The following NUP153 variants were observed in gnomAD, a reference collection of about 807,000 sequenced individuals.
The protein encoded by NUP153 is nucleoporin 153.
NUP153 carries 27 observed loss-of-function variants against 134.6 expected under a neutral mutation model. The observed-to-expected ratio is 0.20, with a 90% CI of 0.15 to 0.28. The LOEUF is 0.28. NUP153 is among the 10% of genes least tolerant of loss of function. NUP153 has a pLI of 1.00. For missense variants in NUP153, 1,821 were observed against 1,731.3 expected, an observed-to-expected ratio of 1.05 and a Z score of -0.92; for synonymous variants, 640 against 623.5, an observed-to-expected ratio of 1.03 and a Z score of -0.40.
chr6:17,647,527 G>C (rs1766262191), intron 13 of NUP153, among the ~76,000 whole-genome samples: 1 of 152,164 alleles, frequency 6.6e-6, no homozygotes, highest in African/African-American at 2.4e-5. Context: ...GGGATGCAAA[G>C]GAATGTCTTT....
At chr6:17,643,732 C>T (rs992341723) in intron 14 of NUP153, among the ~76,000 whole-genome samples, 1 of 152,074 alleles carries the variant, frequency 6.6e-6, no homozygotes, top group African/African-American at 2.4e-5. Flanking sequence ...TGAGAACCAA[C>T]GGTGTCAAAG....
intron 21 of NUP153, 57 bp downstream of exon 21, chr6:17,616,470 T>C (rs902575834): frequency 4.8e-6 from 7 of 1,449,376 alleles, no homozygotes; most frequent in South Asian, 1.3e-5. Flanking sequence ...ACAAAACATA[T>C]ACATGCACAT....
At position 17,662,052 on chromosome 6, in the gene NUP153, T is replaced by G; in HGVS notation, c.1234A>C (p.Met412Leu). 2 of 1,612,706 alleles carry G rather than the reference T, an allele frequency of 1.2e-6. No homozygotes were observed. The highest frequency in any genetic ancestry group is 1.7e-6 in the Non-Finnish European group (2 of 1,179,254). ...NKCSTGYEKN[M>L]TPGQNREQRE... ...TGTTCTCTATTTTGTCCGGGTGTCA[T>G]ATTTTTTTCATATCCAGTCTGCAGG... is the stretch of plus-strand genomic sequence containing the variant. Residue 412 changes from methionine (M) to leucine (L), a missense_variant, in exon 10 of 22, where the codon ATG becomes CTG. Physicochemically the swap from Met to Leu is conservative, Grantham distance 15. Transcript: ENST00000262077.
At chr6:17,626,307 T>C (rs1238909495) in intron 18 of NUP153, 143 bp from the exon 19 acceptor site, 2 of 624,584 alleles carry the variant, frequency 3.2e-6, no homozygotes, top group Non-Finnish European at 5.7e-6. Context: ...CTTCATCAAA[T>C]GGACATCTGT....
chr6:17,666,093 C>CT (rs1767519671), intron 8 of NUP153, among the ~76,000 whole-genome samples: 1 of 151,832 alleles, frequency 6.6e-6, no homozygotes, highest in African/African-American at 2.4e-5. Context: ...TCAAAGAGTG[C>CT]TGGGATTACA....
rs181632001 is a variant in NUP153, at chr6:17,635,179, G to A, written c.2464+1974C>T. ...GGCTGGAGTGCAGTGGCATGATCTC[G>A]GCTCACTGCAAGCTCCACCTCCCAG... is the stretch of plus-strand genomic sequence containing the variant. On this transcript the variant is annotated intron_variant, in intron 16 of 21. Transcript: ENST00000262077. Among the ~76,000 whole-genome samples the A allele has an allele frequency of 4.7e-3, 657 of 139,128 alleles. 7 individuals are homozygous for A. The highest frequency in any genetic ancestry group is 0.016 in the African/African-American group (597 of 37,442). The allele number at this position is 139,128 out of a possible 152,430, so 91.3% of individuals were successfully genotyped here.
chr6:17,633,066 A>T (rs1486954727), intron 16 of NUP153, among the ~76,000 whole-genome samples: 3 of 152,180 alleles, frequency 2.0e-5, no homozygotes, highest in Non-Finnish European at 4.4e-5. Flanking sequence ...ATTTCTTTTA[A>T]CCTTATAAAT....
chr6:17,696,380 G>A (rs1581779954), intron 1 of NUP153, among the ~76,000 whole-genome samples: 1 of 152,336 alleles, frequency 6.6e-6, no homozygotes. Context: ...GTTCTTGAGA[G>A]AAGAGTTCTT....
At chr6:17,636,591 G>C (rs1272645077) in intron 16 of NUP153, among the ~76,000 whole-genome samples, 1 of 152,120 alleles carries the variant, frequency 6.6e-6, no homozygotes, top group African/African-American at 2.4e-5. Flanking sequence ...TTCTGGATGA[G>C]TTAAAGATTC....
At chr6:17,649,771 A>C (rs1223612880) in intron 11 of NUP153, among the ~76,000 whole-genome samples, 2 of 152,150 alleles carry the variant, frequency 1.3e-5, no homozygotes, top group Non-Finnish European at 2.9e-5. Flanking sequence ...TGTTGTTGTT[A>C]ATCTCTGACT....
chr6:17,688,919 T>C (rs1177847587), intron 1 of NUP153, among the ~76,000 whole-genome samples: 2 of 152,192 alleles, frequency 1.3e-5, no homozygotes, highest in Non-Finnish European at 1.5e-5. Flanking sequence ...TTTATTAATA[T>C]GTAATACATG....
intron 14 of NUP153, among the ~76,000 whole-genome samples, chr6:17,642,416 C>T (rs1370145805): frequency 6.6e-6 from 1 of 152,102 alleles, no homozygotes; most frequent in African/African-American, 2.4e-5. Flanking sequence ...GAAAGGCATT[C>T]CTCCCTAAGA....
chr6:17,663,232 T>TAC (rs35061480), intron 9 of NUP153, among the ~76,000 whole-genome samples: 8,786 of 144,012 alleles, frequency 0.061, 375 homozygotes, highest in Non-Finnish European at 0.082. Flanking sequence ...AAGAAAAAAA[T>TAC]ACACACACAC....
At chr6:17,618,492 A>G (rs1764452058) in intron 20 of NUP153, among the ~76,000 whole-genome samples, 1 of 152,162 alleles carries the variant, frequency 6.6e-6, no homozygotes, top group South Asian at 2.1e-4. Flanking sequence ...AGAGGGGCAT[A>G]AAAAGGAAAC....
chr6:17,689,930 T>C (rs1042245604), intron 1 of NUP153, among the ~76,000 whole-genome samples: 1 of 152,172 alleles, frequency 6.6e-6, no homozygotes, highest in Non-Finnish European at 1.5e-5. Flanking sequence ...TTCTAAGCAA[T>C]TTATACATAT....
chr6:17,622,460 G>A (rs992138304), intron 20 of NUP153, among the ~76,000 whole-genome samples: 1 of 152,094 alleles, frequency 6.6e-6, no homozygotes, highest in African/African-American at 2.4e-5. Context: ...GTGAGACCCT[G>A]TCTCAAAAAA....
rs561794470 is a variant in NUP153, at chr6:17,706,266, G to C, written c.111+11C>G. On this transcript the variant is annotated intron_variant, in intron 1 of 21. Coordinates refer to ENST00000262077, the MANE Select transcript of NUP153 (RefSeq NM_005124.4). The surrounding 1 kb of genome is among the most constrained non-coding windows in gnomAD (Gnocchi z 5.9). ...CACCCGCCAGGCCACCGCGGCGTCG[G>C]GGTCCCATACCTGATGCTGTTGTCG... 1 of 1,604,242 alleles carries C rather than the reference G, an allele frequency of 6.2e-7. No homozygotes were observed. Among genetic ancestry groups the C allele is most frequent in the Admixed American group, 1.7e-5 (1 of 59,986 alleles).
chr6:17,702,229 C>CG (rs1319178224), intron 1 of NUP153, among the ~76,000 whole-genome samples: 1 of 152,088 alleles, frequency 6.6e-6, no homozygotes, highest in Non-Finnish European at 1.5e-5. Context: ...CATTTCTGGC[C>CG]GGGCGAGGTA....
chr6:17,636,316 CA>C, intron 16 of NUP153, among the ~76,000 whole-genome samples: 1 of 139,884 alleles, frequency 7.1e-6, no homozygotes, highest in East Asian at 2.1e-4. Context: ...GCCTGGGTGA[CA>C]CAGTGAGACT....
Sources: gnomAD v4.1 joint callset for allele counts (sites outside exome capture counted in the v4.1 genomes callset) on GRCh38, gnomAD v4.1.1 for gene constraint, Gnocchi (gnomAD v3.1) non-coding constraint, MANE v1.5 for transcripts, NCBI Gene and HGNC (gene_info 2026-07-23, HGNC 2026-07-21) for gene names.